The following KIF6 variants were observed in gnomAD, a reference collection of about 807,000 sequenced individuals.
The protein encoded by KIF6 is kinesin family member 6.
Under a neutral mutation model 112.7 loss-of-function variants are expected in KIF6, and 106 were observed. The observed-to-expected ratio is 0.94, with a 90% CI of 0.80 to 1.11. The LOEUF is 1.11. Among genes scored for constraint, KIF6 ranks in the 50% least tolerant of loss-of-function variants. The pLI is 0.00. For synonymous variants in KIF6, 339 were observed against 339.9 expected, an observed-to-expected ratio of 1.00 and a Z score of 0.03; for missense variants, 929 against 964.0, an observed-to-expected ratio of 0.96 and a Z score of 0.48.
intron 13 of KIF6, among the ~76,000 whole-genome samples, chr6:39,455,533 G>A (rs1244258208): frequency 6.6e-6 from 1 of 152,118 alleles, no homozygotes; most frequent in African/African-American, 2.4e-5. Context: ...TGATTTTGAC[G>A]AGCTGAAGGA....
chr6:39,403,634 G>A (rs1768872416), intron 15 of KIF6, among the ~76,000 whole-genome samples: 2 of 152,210 alleles, frequency 1.3e-5, no homozygotes, highest in Non-Finnish European at 2.9e-5. Flanking sequence ...ACAAGTTTGT[G>A]TGTGAACCTA....
chr6:39,337,786 C>T (rs767509968), intron 22 of KIF6, among the ~76,000 whole-genome samples: 2 of 152,200 alleles, frequency 1.3e-5, no homozygotes, highest in Admixed American at 6.5e-5. Context: ...AGGGCCCTTG[C>T]GTTCTAGCCA....
At chr6:39,439,301 T>C (rs1370271194) in intron 13 of KIF6, among the ~76,000 whole-genome samples, 1 of 152,226 alleles carries the variant, frequency 6.6e-6, no homozygotes, top group Admixed American at 6.5e-5. Context: ...GCTGAGGACC[T>C]TGGGAACTTG....
intron 13 of KIF6, among the ~76,000 whole-genome samples, chr6:39,507,684 CT>C (rs2150503870): frequency 7.3e-6 from 1 of 137,824 alleles, no homozygotes; most frequent in African/African-American, 2.8e-5. Flanking sequence ...TCCTTCCTTC[CT>C]TCCTACCTTC....
chr6:39,579,817 T>C (rs1035547405), intron 9 of KIF6, among the ~76,000 whole-genome samples: 3 of 151,912 alleles, frequency 2.0e-5, no homozygotes, highest in Admixed American at 6.6e-5. Context: ...ATAATATGTT[T>C]ATATATATAA....
intron 3 of KIF6, among the ~76,000 whole-genome samples, chr6:39,712,258 G>T (rs1789598333): frequency 6.6e-6 from 1 of 151,798 alleles, no homozygotes; most frequent in African/African-American, 2.4e-5. Flanking sequence ...TCACAAGGCA[G>T]TTGACTAGGA....
intron 13 of KIF6, among the ~76,000 whole-genome samples, chr6:39,504,421 C>T (rs1776321368): frequency 6.6e-6 from 1 of 152,176 alleles, no homozygotes; most frequent in South Asian, 2.1e-4. Context: ...TGGAAGCATT[C>T]CCCTTGAAAA....
chr6:39,630,991 G>A (rs1205846389), intron 5 of KIF6, among the ~76,000 whole-genome samples: 1 of 151,912 alleles, frequency 6.6e-6, no homozygotes, highest in East Asian at 1.9e-4. Flanking sequence ...TTTGAATGTT[G>A]AACTAGTCTT....
In KIF6 at chr6:39,720,735, A is replaced by C; in HGVS notation, c.143T>G (p.Phe48Cys). The change falls in exon 2 of 23, where the codon TTT becomes TGT. Residue 48 changes from phenylalanine (F) to cysteine (C), a missense_variant. By Grantham distance (205) the Phe-to-Cys change is radical. Coordinates refer to ENST00000287152, the MANE Select transcript of KIF6 (RefSeq NM_145027.6). ...GTAGCTTTCTCGCTTATTATTCACA[A>C]ACCCATCTGCCAAATCACGTGGTAA... is the stretch of plus-strand genomic sequence containing the variant. Reference protein sequence around the residue: ...IILPRDLADGFVNNKRESYKF... With the variant: ...IILPRDLADGCVNNKRESYKF... The C allele has an allele frequency of 6.2e-7, 1 of 1,607,040 alleles. No individual in the cohort carries two copies. The highest frequency in any genetic ancestry group is 8.5e-7 in the Non-Finnish European group (1 of 1,173,818).
At chr6:39,345,946 G>A (rs1410117546) in intron 20 of KIF6, among the ~76,000 whole-genome samples, 157 bp from the exon 21 acceptor site, 1 of 152,074 alleles carries the variant, frequency 6.6e-6, no homozygotes, top group Non-Finnish European at 1.5e-5. Flanking sequence ...TGGGCAGTGG[G>A]GCCTTTGGGA....
chr6:39,719,211 T>C (rs2113895966), intron 2 of KIF6, among the ~76,000 whole-genome samples: 1 of 152,070 alleles, frequency 6.6e-6, no homozygotes, highest in African/African-American at 2.4e-5. Flanking sequence ...CCCAGTTACT[T>C]GGGAGGCTGA....
intron 6 of KIF6, among the ~76,000 whole-genome samples, chr6:39,598,637 A>C (rs1782419703): frequency 6.6e-6 from 1 of 151,822 alleles, no homozygotes; most frequent in African/African-American, 2.4e-5. Context: ...ATATATGCGC[A>C]ATATGCGATA....
intron 3 of KIF6, among the ~76,000 whole-genome samples, chr6:39,641,608 C>G (rs1047388493): frequency 2.0e-5 from 3 of 151,004 alleles, no homozygotes; most frequent in Non-Finnish European, 2.9e-5. Flanking sequence ...CTAACCTGCA[C>G]GTTGTGCACA....
chr6:39,383,644 T>C (rs1268207853), intron 16 of KIF6, among the ~76,000 whole-genome samples: 1 of 152,232 alleles, frequency 6.6e-6, no homozygotes, highest in Non-Finnish European at 1.5e-5. Flanking sequence ...CTATTTAGGC[T>C]CTTTTATGGT....
At chr6:39,436,248 A>G (rs1771520748) in intron 13 of KIF6, among the ~76,000 whole-genome samples, 1 of 151,742 alleles carries the variant, frequency 6.6e-6, no homozygotes, top group Non-Finnish European at 1.5e-5. Flanking sequence ...AGTTCTTTGT[A>G]GATTCTGGAT....
intron 13 of KIF6, among the ~76,000 whole-genome samples, chr6:39,514,622 C>A (rs1360586203): frequency 6.6e-6 from 1 of 152,132 alleles, no homozygotes. Context: ...TTAGTATGCC[C>A]ACTAATATTT....
intron 13 of KIF6, among the ~76,000 whole-genome samples, chr6:39,437,722 C>T (rs1027558170): frequency 6.6e-6 from 1 of 152,148 alleles, no homozygotes; most frequent in Non-Finnish European, 1.5e-5. Flanking sequence ...CAACTACAGT[C>T]CTGCCCCACA....
At chr6:39,508,211 A>G (rs1776553648) in intron 13 of KIF6, among the ~76,000 whole-genome samples, 1 of 151,736 alleles carries the variant, frequency 6.6e-6, no homozygotes, top group Admixed American at 6.6e-5. Flanking sequence ...GGGGAGTTCT[A>G]CGTGCATTAA....
intron 15 of KIF6, among the ~76,000 whole-genome samples, chr6:39,416,898 C>CGG (rs1424031292): frequency 2.0e-5 from 3 of 152,126 alleles, no homozygotes; most frequent in Admixed American, 2.0e-4. Context: ...GTGTACCCCT[C>CGG]GGCATCTCAA....
Sources: gnomAD v4.1 joint callset for allele counts (sites outside exome capture counted in the v4.1 genomes callset) on GRCh38, gnomAD v4.1.1 for gene constraint, MANE v1.5 for transcripts, NCBI Gene and HGNC (gene_info 2026-07-23, HGNC 2026-07-21) for gene names.